The following NOC3L variants were observed in gnomAD, a reference collection of about 807,000 sequenced individuals.
The protein encoded by NOC3L is NOC3 like DNA replication regulator.
NOC3L carries 85 observed loss-of-function variants against 102.5 expected under a neutral mutation model. That is an observed-to-expected ratio of 0.83 (90% CI 0.70 to 0.99). NOC3L has a LOEUF of 0.99. Ranked by LOEUF, NOC3L falls within the 50% of genes least tolerant of loss-of-function variation. NOC3L has a pLI of 0.00. For synonymous variants in NOC3L, 303 were observed against 309.4 expected (o/e 0.98, Z 0.22); for missense variants, 878 against 914.9 (o/e 0.96, Z 0.52).
chr10:94,344,379 A>G, intron 13 of NOC3L, 36 bp downstream of exon 13: 1 of 1,372,984 alleles, frequency 7.3e-7, no homozygotes, highest in African/African-American at 1.4e-5. Flanking sequence ...CCTATTTAGA[A>G]GGAATCTAAA....
At chr10:94,317,630 G>A in the NOC3L span, among the ~76,000 whole-genome samples, 11 of 152,080 alleles carry the variant, frequency 7.2e-5, no homozygotes, top group Non-Finnish European at 4.4e-5. Context: ...TTTATATTAC[G>A]TGTGCTAAGA....
rs115076163 is a variant in NOC3L, at chr10:94,341,168, A to G, written c.1644+505T>C. Among the ~76,000 whole-genome samples the G allele has an allele frequency of 3.8e-3, 578 of 151,822 alleles. 2 individuals are homozygous for G. The highest frequency in any genetic ancestry group is 0.013 in the African/African-American group (548 of 41,432). On this transcript the variant is annotated intron_variant, in intron 14 of 20. Transcript: ENST00000371361. The stretch of plus-strand genomic sequence containing the variant: ...GGCCTGGGCAACTGAGTGAGACCCT[A>G]TCTCAAAAAAGAAAAAAAAGACCTA...
the NOC3L span, among the ~76,000 whole-genome samples, chr10:94,318,456 G>A: frequency 3.9e-5 from 6 of 152,206 alleles, no homozygotes; most frequent in African/African-American, 1.4e-4. Context: ...CAAACACTAT[G>A]TTGAATGATA....
intron 4 of NOC3L, 149 bp from the exon 5 acceptor site, chr10:94,356,740 G>C: frequency 1.7e-6 from 1 of 594,686 alleles, no homozygotes; most frequent in South Asian, 2.3e-5. Context: ...GAGCACAAGG[G>C]AGGATTCTGG....
intron 2 of NOC3L, among the ~76,000 whole-genome samples, chr10:94,359,473 C>G (rs927625825): frequency 1.3e-5 from 2 of 151,694 alleles, no homozygotes; most frequent in Non-Finnish European, 2.9e-5. Context: ...AAAAAAAGAC[C>G]CTAGTAAATC....
At chr10:94,350,538 A>G (rs2054402233) in intron 8 of NOC3L, among the ~76,000 whole-genome samples, 2 of 151,426 alleles carry the variant, frequency 1.3e-5, no homozygotes, top group Non-Finnish European at 2.9e-5. Context: ...GTGAAACCCC[A>G]TCTCTACTAA....
chr10:94,349,422 A>G (rs375043873), intron 9 of NOC3L, 44 bp from the exon 10 acceptor site: 14 of 1,534,316 alleles, frequency 9.1e-6, no homozygotes, highest in South Asian at 6.4e-5. Context: ...TCTCAACCTT[A>G]GCACTACTGA....
chr10:94,323,152 C>T, the NOC3L span, among the ~76,000 whole-genome samples: 1 of 152,120 alleles, frequency 6.6e-6, no homozygotes, highest in African/African-American at 2.4e-5. Context: ...CTCAAGGATC[C>T]TACAGAGGAC....
chr10:94,316,854 T>A, the NOC3L span: 1 of 849,226 alleles, frequency 1.2e-6, no homozygotes, highest in Non-Finnish European at 2.0e-6. Flanking sequence ...TTCTTGTAAT[T>A]GCAACTTGGT....
chr10:94,354,966 A>G lies in NOC3L; in HGVS notation c.693T>C (p.Asn231=). The G allele has an allele frequency of 6.2e-7, 1 of 1,612,662 alleles. No homozygotes were observed. The highest frequency in any genetic ancestry group is 1.1e-5 in the South Asian group (1 of 90,984). ...LASAILSDPE[N]NIKKLKELRS... Reference sequence around the variant, plus strand: ...TAAAGAAATTAATACTACCTACATTATTTTCTGGATCTGATAATATGGCAG... The same window carrying G: ...TAAAGAAATTAATACTACCTACATTGTTTTCTGGATCTGATAATATGGCAG... The change falls in exon 6 of 21, where the codon AAT becomes AAC. Residue 231 remains asparagine, a synonymous_variant. Transcript: ENST00000371361.
In NOC3L at chr10:94,337,860, G is replaced by A. The variant is rs2054239677; in HGVS notation, c.2106C>T (p.Pro702=). 2 of 1,613,034 alleles carry A rather than the reference G, an allele frequency of 1.2e-6. No individual in the cohort carries two copies. Among genetic ancestry groups the A allele is most frequent in the Non-Finnish European group, 1.7e-6 (2 of 1,179,226 alleles). Residue 702 remains proline (P), a synonymous_variant, in exon 19 of 21, where the codon CCC becomes CCT. Transcript: ENST00000371361. The part of the protein sequence containing the change: ...ELHALRRHYH[P]IVQRFAAHLI... ...GGTGGGCTGCAAATCTCTGCACTAT[G>A]GGATGATAATGCCTCTGAAGGGAAA...
intron 2 of NOC3L, among the ~76,000 whole-genome samples, chr10:94,359,581 T>C (rs1564919271): frequency 2.0e-5 from 3 of 152,072 alleles, no homozygotes; most frequent in Admixed American, 6.6e-5. Context: ...GGGCAAAAGA[T>C]ATGAATAGAC....
intron 14 of NOC3L, 40 bp from the exon 15 acceptor site, chr10:94,340,536 TAAG>T (rs1311440548): frequency 4.0e-6 from 5 of 1,235,460 alleles, no homozygotes; most frequent in Non-Finnish European, 5.8e-6. Context: ...GATGGAATAT[TAAG>T]AATGGTAATT....
chr10:94,340,451 G>A lies in NOC3L; in HGVS notation c.1690C>T (p.His564Tyr). The change falls in exon 15 of 21, where the codon CAT (histidine) becomes TAT (tyrosine). Residue 564 changes from histidine to tyrosine, a missense_variant. Transcript: ENST00000371361. ...ATCATACCTTGTCCAGAAAGAATATGAAAAGCAGTCTGGACACAGTGAAGA... is the reference window on the plus strand; with the variant it reads ...ATCATACCTTGTCCAGAAAGAATATAAAAAGCAGTCTGGACACAGTGAAGA... ...ESLHCVQTAFHILSGQGDVLN... is the reference protein window; with the variant it reads ...ESLHCVQTAFYILSGQGDVLN... 7.4e-7 allele frequency: 1 copy of A among 1,353,498 alleles called. No homozygotes were observed. Among genetic ancestry groups the A allele is most frequent in the Non-Finnish European group, 9.8e-7 (1 of 1,018,724 alleles). 83.8% of individuals were successfully genotyped at this position (1,353,498 alleles called of 1,614,324 possible).
the NOC3L span, chr10:94,324,627 T>C: frequency 7.5e-7 from 1 of 1,325,146 alleles, no homozygotes; most frequent in South Asian, 1.2e-5. Context: ...AATTACACTG[T>C]AGCCAGATCT....
At chr10:94,336,147 TAG>T (rs1564907995) in intron 19 of NOC3L, among the ~76,000 whole-genome samples, 7 of 152,138 alleles carry the variant, frequency 4.6e-5, no homozygotes, top group Non-Finnish European at 1.5e-5. Flanking sequence ...AAAGTCTTTA[TAG>T]AAGAGGCTTC....
At chr10:94,324,294 T>C in the NOC3L span, 20 of 1,381,288 alleles carry the variant, frequency 1.4e-5, no homozygotes, top group Non-Finnish European at 2.0e-5. Flanking sequence ...ATAGAATGAA[T>C]GCAAATGTTG....
intron 12 of NOC3L, 115 bp from the exon 13 acceptor site, chr10:94,344,630 A>T (rs1332665502): frequency 1.4e-6 from 1 of 729,446 alleles, no homozygotes; most frequent in Non-Finnish European, 2.3e-6. Context: ...CCTCCCCACA[A>T]TGCAATCTTT....
the NOC3L span, among the ~76,000 whole-genome samples, chr10:94,322,602 T>C: frequency 2.0e-5 from 3 of 151,940 alleles, no homozygotes; most frequent in Non-Finnish European, 2.9e-5. Flanking sequence ...CTGGCCAACA[T>C]GGTGAAACCC....
Sources: allele counts gnomAD v4.1 joint callset (sites outside exome capture counted in the v4.1 genomes callset), GRCh38; gene constraint gnomAD v4.1.1; transcripts MANE v1.5; gene names NCBI Gene and HGNC (gene_info 2026-07-23, HGNC 2026-07-21).